The following MECOM variants were observed in gnomAD, a reference collection of about 807,000 sequenced individuals.
MECOM encodes the protein MDS1 and EVI1 complex locus.
MECOM carries 13 observed loss-of-function variants against 116.3 expected under a neutral mutation model. That is an observed-to-expected ratio of 0.11 (90% CI 0.07 to 0.18). The LOEUF is 0.18. Ranked by LOEUF, MECOM falls within the 10% of genes least tolerant of loss-of-function variation. The pLI is 1.00. For missense variants in MECOM, 1,299 were observed against 1,509.0 expected (o/e 0.86, Z 2.31); for synonymous variants, 528 against 535.2 (o/e 0.99, Z 0.19).
At chr3:169,300,490 CA>C (rs1716503696) in intron 2 of MECOM, among the ~76,000 whole-genome samples, 1 of 152,118 alleles carries the variant, frequency 6.6e-6, no homozygotes, top group South Asian at 2.1e-4. Flanking sequence ...TATAATTGTT[CA>C]AATGTTCTAT....
At chr3:169,590,856 G>A (rs1766320192) in intron 1 of MECOM, among the ~76,000 whole-genome samples, 1 of 152,204 alleles carries the variant, frequency 6.6e-6, no homozygotes, top group African/African-American at 2.4e-5. Flanking sequence ...TAATCTAGAA[G>A]TTACTATCTG....
intron 1 of MECOM, among the ~76,000 whole-genome samples, chr3:169,659,372 CG>C (rs1198295675): frequency 6.6e-6 from 1 of 150,398 alleles, no homozygotes; most frequent in Non-Finnish European, 1.5e-5. Flanking sequence ...GCTAATGAAC[CG>C]TTCCCTTCCA....
rs184953879 is a variant in MECOM, at chr3:169,453,986, T to G, written c.38-72462A>C. Among the ~76,000 whole-genome samples the G allele has an allele frequency of 5.9e-5, 9 of 152,246 alleles. No homozygotes were observed. The East Asian group carries it at 1.7e-3, about 29-fold the overall frequency. On this transcript the variant is annotated intron_variant, in intron 1 of 16. Coordinates refer to ENST00000651503, the MANE Select transcript of MECOM (RefSeq NM_004991.4). The stretch of plus-strand genomic sequence containing the variant: ...AACTTGTTGGGGTCAGAGCCTTCCT[T>G]TCTTTGTGTGGCTTCTGGATATTCC...
chr3:169,103,732 G>A (rs1255454390), intron 10 of MECOM, among the ~76,000 whole-genome samples: 1 of 152,162 alleles, frequency 6.6e-6, no homozygotes, highest in East Asian at 1.9e-4. Context: ...CATATATTCT[G>A]TGGACACACA....
intron 2 of MECOM, among the ~76,000 whole-genome samples, chr3:169,266,532 CA>C (rs1758329271): frequency 6.6e-6 from 1 of 152,146 alleles, no homozygotes; most frequent in African/African-American, 2.4e-5. Context: ...GGCTCACTTC[CA>C]AGCCAATGGC....
chr3:169,146,150 A>C, intron 2 of MECOM: 1 of 941,186 alleles, frequency 1.1e-6, no homozygotes, highest in Admixed American at 4.6e-5. Context: ...GCTTAAAAAA[A>C]AACCGTTTAG....
chr3:169,181,741 G>T (rs1436084657), intron 2 of MECOM, among the ~76,000 whole-genome samples: 2 of 152,138 alleles, frequency 1.3e-5, no homozygotes, highest in East Asian at 3.9e-4. Context: ...AGTTATACCT[G>T]CATCTATCAT....
At chr3:169,296,711 A>T (rs527482451) in intron 2 of MECOM, among the ~76,000 whole-genome samples, 26 of 152,342 alleles carry the variant, frequency 1.7e-4, no homozygotes, top group Non-Finnish European at 3.2e-4. Flanking sequence ...AATAACAGGA[A>T]TAGACTTGGC....
chr3:169,106,081 C>T (rs145928353), intron 10 of MECOM, among the ~76,000 whole-genome samples: 2,050 of 152,134 alleles, frequency 0.013, 26 homozygotes, highest in Non-Finnish European at 0.021. Flanking sequence ...TTTACAAATT[C>T]GATTACACAT....
Position 169,508,910 on chromosome 3 carries a change from A to G in MECOM, c.38-127386T>C, listed in dbSNP as rs10513672. Reference sequence around the variant, plus strand: ...TATTCGTCTTATTCTTAGTTACAAAATAAGTGTGACGCTATAGTCATCCTG... The same window carrying G: ...TATTCGTCTTATTCTTAGTTACAAAGTAAGTGTGACGCTATAGTCATCCTG... On this transcript the variant is annotated intron_variant, in intron 1 of 16. Transcript: ENST00000651503. 8.3e-3 allele frequency among the ~76,000 whole-genome samples: 1,267 copies of G among 152,330 alleles called. 15 individuals carry two copies. Among genetic ancestry groups the G allele is most frequent in the South Asian group, 0.025 (123 of 4,830 alleles).
chr3:169,151,660 G>T (rs760342194), intron 2 of MECOM, among the ~76,000 whole-genome samples: 7 of 152,214 alleles, frequency 4.6e-5, no homozygotes, highest in Non-Finnish European at 1.0e-4. Flanking sequence ...ATAAGTGCCT[G>T]CTAATTAAAT....
At chr3:169,487,718 G>C (rs189779405) in intron 1 of MECOM, among the ~76,000 whole-genome samples, 1 of 132,528 alleles carries the variant, frequency 7.5e-6, no homozygotes, top group Admixed American at 9.2e-5. Flanking sequence ...AGAGAAAGAA[G>C]GACAAATTTA....
intron 1 of MECOM, among the ~76,000 whole-genome samples, chr3:169,606,150 G>A (rs1051573521): frequency 9.2e-5 from 14 of 152,134 alleles, no homozygotes; most frequent in African/African-American, 1.7e-4. Context: ...GGTGGCTCAC[G>A]CCTGTAATCC....
At chr3:169,122,945 CTTG>C (rs1380233606) in intron 5 of MECOM, among the ~76,000 whole-genome samples, 1 of 152,132 alleles carries the variant, frequency 6.6e-6, no homozygotes, top group South Asian at 2.1e-4. Flanking sequence ...AAGATGTGTT[CTTG>C]TTGTTAGAAA....
At chr3:169,372,213 T>C (rs1056928465) in intron 2 of MECOM, among the ~76,000 whole-genome samples, 1 of 152,106 alleles carries the variant, frequency 6.6e-6, no homozygotes, top group African/African-American at 2.4e-5. Flanking sequence ...ATATTTTAAC[T>C]GATTAAACTA....
chr3:169,554,159 T>A (rs1349548806), intron 1 of MECOM, among the ~76,000 whole-genome samples: 1 of 152,226 alleles, frequency 6.6e-6, no homozygotes, highest in Non-Finnish European at 1.5e-5. Context: ...TTTCCCCATC[T>A]GCTGGCAGGA....
rs1370334857 is a variant in MECOM at position 169,143,810 on chromosome 3, A to C, written c.398T>G (p.Val133Gly). The C allele has an allele frequency of 1.9e-6, 3 of 1,606,874 alleles. No homozygotes were observed. Among genetic ancestry groups the C allele is most frequent in the African/African-American group, 2.7e-5 (2 of 74,600 alleles). ...GWEILDEFYN[V>G]KFCIDASQPD... ...TTGACTGGCATCTATGCAGAACTTC[A>C]CATTGTAAAATTCGTCTAAGATCTG... Residue 133 changes from valine (V) to glycine (G), a missense_variant, in exon 3 of 17, where the codon GTG becomes GGG. By Grantham distance (109) the Val-to-Gly change is moderately radical. Around this residue, in one of 6 missense-constraint regions of MECOM, gnomAD observed 374 missense variants for 433.4 expected, o/e 0.86. Coordinates refer to ENST00000651503, the MANE Select transcript of MECOM (RefSeq NM_004991.4).
chr3:169,520,058 G>T (rs1227838430), intron 1 of MECOM, among the ~76,000 whole-genome samples: 2 of 152,224 alleles, frequency 1.3e-5, no homozygotes, highest in Admixed American at 1.3e-4. Context: ...AAAGAGAAAA[G>T]CTTTTCTTAT....
chr3:169,263,318 C>T (rs56370873), intron 2 of MECOM, among the ~76,000 whole-genome samples: 2,239 of 150,870 alleles, frequency 0.015, 51 homozygotes, highest in African/African-American at 0.051. Context: ...TTAGTAGACA[C>T]GGGGTTTCAC....
Sources: allele counts gnomAD v4.1 joint callset (sites outside exome capture counted in the v4.1 genomes callset), GRCh38; gene constraint gnomAD v4.1.1; regional missense constraint gnomAD v4.1.1; transcripts MANE v1.5; gene names NCBI Gene and HGNC (gene_info 2026-07-23, HGNC 2026-07-21).